The following CDK8 variants were observed in gnomAD, a reference collection of about 807,000 sequenced individuals.
CDK8 encodes the protein cyclin-dependent kinase 8.
CDK8 carries 29 observed loss-of-function variants against 71.5 expected under a neutral mutation model. The observed-to-expected ratio is 0.41, with a 90% CI of 0.30 to 0.55. The LOEUF (loss-of-function observed/expected upper bound fraction) is 0.55, where lower values mean the gene tolerates loss of function less well. Ranked by LOEUF, CDK8 falls within the 20% of genes least tolerant of loss-of-function variation. CDK8 has a pLI of 0.37. For synonymous variants in CDK8, 161 were observed against 192.1 expected, an observed-to-expected ratio of 0.84 and a Z score of 1.34; for missense variants, 288 against 572.6, an observed-to-expected ratio of 0.50 and a Z score of 5.07.
At chr13:26,322,712 G>A (rs1010781691) in intron 1 of CDK8, among the ~76,000 whole-genome samples, 1 of 152,108 alleles carries the variant, frequency 6.6e-6, no homozygotes, top group Non-Finnish European at 1.5e-5. Context: ...TCTGACTCGA[G>A]TTATTGACAG....
intron 1 of CDK8, among the ~76,000 whole-genome samples, chr13:26,257,037 A>G (rs112566462): frequency 0.023 from 3,572 of 152,254 alleles, 61 homozygotes; most frequent in Non-Finnish European, 0.037. Context: ...AATTTAATGC[A>G]TTTTAGTCCT....
chr13:26,291,726 T>G (rs1439835320), intron 1 of CDK8, among the ~76,000 whole-genome samples: 1 of 152,242 alleles, frequency 6.6e-6, no homozygotes, highest in Admixed American at 6.5e-5. Context: ...GGTACATGAA[T>G]GATTTGGTTC....
At chr13:26,304,702 T>A (rs985793972) in intron 1 of CDK8, among the ~76,000 whole-genome samples, 2 of 152,140 alleles carry the variant, frequency 1.3e-5, no homozygotes, top group Admixed American at 6.5e-5. Flanking sequence ...AGTGGTGTGA[T>A]CAGAGTTCAC....
chr13:26,396,118 TG>T (rs1473666676), intron 7 of CDK8, 166 bp from the exon 8 acceptor site: 1 of 354,144 alleles, frequency 2.8e-6, no homozygotes, highest in Non-Finnish European at 5.3e-6. Flanking sequence ...TAAGGAATTA[TG>T]TTTACACTTC....
At position 26,254,575 on chromosome 13, in the gene CDK8, C is replaced by A; in HGVS notation, c.-67C>A. On this transcript the variant is annotated 5_prime_UTR_variant, in exon 1 of 13. Transcript: ENST00000381527. The surrounding 1 kb of genome is among the most constrained non-coding windows in gnomAD (Gnocchi z 6.7). The stretch of plus-strand genomic sequence containing the variant: ...TTCCCGGGGGCTGCGGCTGCCCGTG[C>A]TTCCCCGGTCCCCACCCCTGCCCCC... 1.5e-6 allele frequency: 2 copies of A among 1,373,982 alleles called. No individual in the cohort carries two copies. The highest frequency in any genetic ancestry group is 1.4e-5 in the South Asian group (1 of 73,574). The allele number at this position is 1,373,982 out of a possible 1,614,324, so 85.1% of individuals were successfully genotyped here.
intron 1 of CDK8, among the ~76,000 whole-genome samples, chr13:26,319,934 A>AT (rs995715839): frequency 1.3e-5 from 2 of 152,246 alleles, no homozygotes; most frequent in South Asian, 2.1e-4. Flanking sequence ...TGGTCAAATG[A>AT]TTTTTTTACA....
chr13:26,327,556 C>A (rs183637375), intron 1 of CDK8, among the ~76,000 whole-genome samples: 1 of 152,142 alleles, frequency 6.6e-6, no homozygotes, highest in African/African-American at 2.4e-5. Context: ...CAACCAGGTG[C>A]GGTGGCTCAT....
chr13:26,323,186 T>C (rs2137950727), intron 1 of CDK8, among the ~76,000 whole-genome samples: 1 of 152,234 alleles, frequency 6.6e-6, no homozygotes, highest in East Asian at 1.9e-4. Flanking sequence ...ACAGCACACA[T>C]TTAACTTCTC....
chr13:26,266,191 G>C (rs978511393), intron 1 of CDK8, among the ~76,000 whole-genome samples: 3 of 152,272 alleles, frequency 2.0e-5, no homozygotes, highest in Admixed American at 6.5e-5. Context: ...TTGACTTTCA[G>C]GTACCTGTTA....
At chr13:26,312,075 G>A (rs1407384374) in intron 1 of CDK8, among the ~76,000 whole-genome samples, 2 of 152,130 alleles carry the variant, frequency 1.3e-5, no homozygotes, top group Non-Finnish European at 2.9e-5. Context: ...GAACTTTTCT[G>A]TCTAGCTAAA....
chr13:26,268,720 A>T (rs945726073), intron 1 of CDK8, among the ~76,000 whole-genome samples: 1 of 152,098 alleles, frequency 6.6e-6, no homozygotes, highest in Non-Finnish European at 1.5e-5. Context: ...TTATTTTTAC[A>T]TCTTATTTTA....
At chr13:26,320,061 A>C (rs1874700160) in intron 1 of CDK8, among the ~76,000 whole-genome samples, 1 of 152,086 alleles carries the variant, frequency 6.6e-6, no homozygotes, top group Non-Finnish European at 1.5e-5. Context: ...CCATATACAA[A>C]AATTACCTTA....
intron 1 of CDK8, among the ~76,000 whole-genome samples, chr13:26,265,659 C>G (rs547093051): frequency 6.6e-6 from 1 of 152,202 alleles, no homozygotes; most frequent in East Asian, 1.9e-4. Context: ...GCAGCTGCCA[C>G]TGAGTAGCAT....
At chr13:26,326,805 G>A (rs953427867) in intron 1 of CDK8, among the ~76,000 whole-genome samples, 1 of 152,182 alleles carries the variant, frequency 6.6e-6, no homozygotes, top group Non-Finnish European at 1.5e-5. Context: ...AAAATAGCCA[G>A]ACACCTAATC....
chr13:26,372,707 C>T (rs988394630), intron 4 of CDK8, among the ~76,000 whole-genome samples: 2 of 152,102 alleles, frequency 1.3e-5, no homozygotes, highest in African/African-American at 4.8e-5. Context: ...ACTGATGAGC[C>T]AGTATGAACT....
In CDK8 at chr13:26,401,133, T is replaced by A; in HGVS notation, c.1032-136T>A. ...AAAGAAAAGATTCGTTTTGTCACAG[T>A]TACATGAAAGGTGCTTATATTTGCA... On this transcript the variant is annotated intron_variant, in intron 10 of 12. Coordinates refer to ENST00000381527, the MANE Select transcript of CDK8 (RefSeq NM_001260.3). This position sits in a 1 kb window ranked among gnomAD's most constrained non-coding sequence, Gnocchi z 4.5. 1.5e-6 allele frequency: 1 copy of A among 676,092 alleles called. No homozygotes were observed. 41.9% of individuals were successfully genotyped at this position (676,092 alleles called of 1,614,324 possible). A position where few individuals can be genotyped will look rare whatever the true frequency, so the allele number is the denominator to read the frequency against.
chr13:26,393,362 TAAAG>T lies in CDK8; in HGVS notation c.647-3_647del. ...TTTCTTTTTTTTTTTCTTTTTGTTT[TAAAG>T]ATATTTGGGCTATAGGGTGTATATT... is the stretch of plus-strand genomic sequence containing the variant. On this transcript the variant is annotated splice_acceptor_variant and splice_polypyrimidine_tract_variant and intron_variant, in intron 6 of 12. Transcript: ENST00000381527. LOFTEE classifies it high-confidence loss of function. 1 of 1,513,346 alleles carries T rather than the reference TAAAG, an allele frequency of 6.6e-7. No homozygotes were observed. The allele number at this position is 1,513,346 out of a possible 1,614,324, so 93.7% of individuals were successfully genotyped here.
intron 1 of CDK8, among the ~76,000 whole-genome samples, chr13:26,330,530 A>G (rs1443690486): frequency 2.0e-5 from 3 of 151,876 alleles, no homozygotes; most frequent in Non-Finnish European, 2.9e-5. Flanking sequence ...ATCTTACTGT[A>G]TGTTTATACC....
intron 4 of CDK8, among the ~76,000 whole-genome samples, chr13:26,379,404 A>G (rs571517351): frequency 6.6e-6 from 1 of 152,328 alleles, no homozygotes; most frequent in South Asian, 2.1e-4. Flanking sequence ...CTTGACAAAG[A>G]TACTATTTAT....
Sources: gnomAD v4.1 joint callset for allele counts (sites outside exome capture counted in the v4.1 genomes callset) on GRCh38, gnomAD v4.1.1 for gene constraint, Gnocchi (gnomAD v3.1) non-coding constraint, MANE v1.5 for transcripts, NCBI Gene and HGNC (gene_info 2026-07-23, HGNC 2026-07-21) for gene names.